ATXN1: variants seen among roughly 807,000 people sequenced by gnomAD.
ATXN1 encodes the protein ataxin-1.
Under a neutral mutation model 56.4 loss-of-function variants are expected in ATXN1, and 8 were observed. The ratio of observed to expected loss-of-function variants is 0.14; its 90% CI spans 0.08 to 0.26. The LOEUF (loss-of-function observed/expected upper bound fraction) is 0.26. Among genes scored for constraint, ATXN1 ranks in the 10% least tolerant of loss-of-function variants. The pLI, the probability that ATXN1 is intolerant of heterozygous loss-of-function variation, is 1.00. For missense variants in ATXN1, 987 were observed against 1,106.5 expected, an observed-to-expected ratio of 0.89 and a Z score of 1.53; for synonymous variants, 514 against 494.6, an observed-to-expected ratio of 1.04 and a Z score of -0.52.
intron 6 of ATXN1, among the ~76,000 whole-genome samples, chr6:16,387,409 A>T (rs1581729015): frequency 6.6e-6 from 1 of 152,180 alleles, no homozygotes; most frequent in Non-Finnish European, 1.5e-5. Context: ...ACTGTGGAAG[A>T]CCTCTCCATC....
intron 4 of ATXN1, among the ~76,000 whole-genome samples, chr6:16,581,911 TA>T (rs1762537768): frequency 6.6e-6 from 1 of 152,144 alleles, no homozygotes; most frequent in South Asian, 2.1e-4. Context: ...TTATAAAAAG[TA>T]AAAGACTCAT....
intron 6 of ATXN1, among the ~76,000 whole-genome samples, chr6:16,434,014 A>G (rs1229023901): frequency 6.6e-6 from 1 of 152,246 alleles, no homozygotes; most frequent in Non-Finnish European, 1.5e-5. Flanking sequence ...TCAGACTGAA[A>G]CAAGTAAAAC....
At chr6:16,719,741 A>C (rs1490142167) in intron 2 of ATXN1, among the ~76,000 whole-genome samples, 1 of 152,028 alleles carries the variant, frequency 6.6e-6, no homozygotes, top group Non-Finnish European at 1.5e-5. Context: ...CTTCTAAGAG[A>C]CAGGAGAGGA....
In ATXN1 at chr6:16,743,213, A is replaced by C. The variant is rs542942502; in HGVS notation, c.-615+10020T>G. Among the ~76,000 whole-genome samples, 7 of 152,352 alleles carry C rather than the reference A, an allele frequency of 4.6e-5. No homozygotes were observed. In the South Asian group the frequency reaches 1.4e-3, roughly 32 times the overall value. ...TAATAATAGTGTTTTGTGTGGTTAT[A>C]AGTGCAGTACTATAAAACTTAAATA... On this transcript the variant is annotated intron_variant, in intron 2 of 7. Coordinates refer to ENST00000436367, the MANE Select transcript of ATXN1 (RefSeq NM_001128164.2).
At chr6:16,323,525 C>CAAAAAA (rs35308265) in intron 7 of ATXN1, among the ~76,000 whole-genome samples, 7 of 48,826 alleles carry the variant, frequency 1.4e-4, no homozygotes, top group Admixed American at 3.0e-4. Flanking sequence ...ACTCTGTCTC[C>CAAAAAA]AAAAAAAAAA....
chr6:16,647,438 C>T (rs888553840), intron 3 of ATXN1, among the ~76,000 whole-genome samples: 1 of 152,164 alleles, frequency 6.6e-6, no homozygotes, highest in South Asian at 2.1e-4. Flanking sequence ...CTACACTTTT[C>T]AACACATCAT....
intron 5 of ATXN1, among the ~76,000 whole-genome samples, chr6:16,500,182 T>A (rs1760856019): frequency 6.6e-6 from 1 of 152,178 alleles, no homozygotes; most frequent in African/African-American, 2.4e-5. Context: ...TAACAAAACT[T>A]GAATTTCTTG....
In ATXN1 at chr6:16,396,013, CAAAAAAAAA is replaced by C. The variant is rs59358244; in HGVS notation, c.-160-67552_-160-67544del. Among the ~76,000 whole-genome samples, 4 of 42,238 alleles carry C rather than the reference CAAAAAAAAA, an allele frequency of 9.5e-5. No individual in the cohort carries two copies. In the Admixed American group the frequency reaches 9.8e-4, roughly 10 times the overall value. 27.7% of individuals were successfully genotyped at this position (42,238 alleles called of 152,430 possible). ...CTGGTGACAGAGCGAGACTCCGTCTCAAAAAAAAAAAAAAAAAAAAAAAAAAGCCAATTA... is the reference window on the plus strand; with the variant it reads ...CTGGTGACAGAGCGAGACTCCGTCTCAAAAAAAAAAAAAAAAAGCCAATTA... On this transcript the variant is annotated intron_variant, in intron 6 of 7. Transcript: ENST00000436367.
At position 16,302,044 on chromosome 6, in the gene ATXN1, T is replaced by G. The variant is rs1203621879; in HGVS notation, c.*4285A>C. ...ACTGTGCAAAGAGTGGATTTTATGA[T>G]TACTAGGAGCTACTGTTCATCTTGA... On this transcript the variant is annotated 3_prime_UTR_variant, in exon 8 of 8. Transcript: ENST00000436367. 2.0e-5 allele frequency: 3 copies of G among 152,652 alleles called. No individual in the cohort carries two copies. The highest frequency in any genetic ancestry group is 7.2e-5 in the African/African-American group (3 of 41,440). The allele number at this position is 152,652 out of a possible 1,614,324, so 9.5% of individuals were successfully genotyped here. A position where few individuals can be genotyped will look rare whatever the true frequency, so the allele number is the denominator to read the frequency against.
At chr6:16,747,039 G>A (rs1760558282) in intron 2 of ATXN1, among the ~76,000 whole-genome samples, 1 of 151,956 alleles carries the variant, frequency 6.6e-6, no homozygotes, top group Admixed American at 6.6e-5. Context: ...CAGTCCAACA[G>A]CACACCATAC....
In ATXN1 at chr6:16,553,732, T is replaced by G. The variant is rs374057863; in HGVS notation, c.-360-31044A>C. ...ACCGCATGGGCCCTCACCATGGCCC[T>G]CAACAGCCCATGGCCACAGCTATTG... On this transcript the variant is annotated intron_variant, in intron 4 of 7. Coordinates refer to ENST00000436367, the MANE Select transcript of ATXN1 (RefSeq NM_001128164.2). Among the ~76,000 whole-genome samples, 18 of 152,314 alleles carry G rather than the reference T, an allele frequency of 1.2e-4. 1 individual carries two copies. The highest frequency in any genetic ancestry group is 9.1e-4 in the Admixed American group (14 of 15,302).
intron 5 of ATXN1, among the ~76,000 whole-genome samples, chr6:16,486,542 G>A (rs1371534380): frequency 6.6e-6 from 1 of 152,150 alleles, no homozygotes; most frequent in Non-Finnish European, 1.5e-5. Flanking sequence ...AAGCGTTGTT[G>A]GTGGTCATAA....
chr6:16,667,968 G>T (rs1758465479), intron 2 of ATXN1, among the ~76,000 whole-genome samples: 1 of 152,178 alleles, frequency 6.6e-6, no homozygotes, highest in African/African-American at 2.4e-5. Flanking sequence ...CTCCCATCAA[G>T]GTGGGCTTAC....
In ATXN1 at chr6:16,417,441, A is replaced by ATT. The variant is rs1188606545; in HGVS notation, c.-161+68529_-161+68530dup. ...AGAGAGAGGGAGTTACAAGTTTCTT[A>ATT]TTTTTTTTTTTTCTTGAGACGGAGT... is the stretch of plus-strand genomic sequence containing the variant. On this transcript the variant is annotated intron_variant, in intron 6 of 7. Coordinates refer to ENST00000436367, the MANE Select transcript of ATXN1 (RefSeq NM_001128164.2). Among the ~76,000 whole-genome samples, 5 of 136,552 alleles carry ATT rather than the reference A, an allele frequency of 3.7e-5. 1 individual carries two copies. The highest frequency in any genetic ancestry group is 1.3e-4 in the African/African-American group (5 of 38,000). The allele number at this position is 136,552 out of a possible 152,430, so 89.6% of individuals were successfully genotyped here. A position where few individuals can be genotyped will look rare whatever the true frequency, so the allele number is the denominator to read the frequency against.
At chr6:16,340,907 G>A (rs1761230609) in intron 6 of ATXN1, among the ~76,000 whole-genome samples, 1 of 152,158 alleles carries the variant, frequency 6.6e-6, no homozygotes, top group Non-Finnish European at 1.5e-5. Flanking sequence ...AGGGCCAAAG[G>A]CTCAGAGAAA....
At chr6:16,348,327 A>G (rs1279725823) in intron 6 of ATXN1, among the ~76,000 whole-genome samples, 1 of 152,150 alleles carries the variant, frequency 6.6e-6, no homozygotes, top group Non-Finnish European at 1.5e-5. Flanking sequence ...GGCTTTCCAT[A>G]GTGTTAGAAT....
chr6:16,690,272 A>G (rs1759018270), intron 2 of ATXN1, among the ~76,000 whole-genome samples: 2 of 151,936 alleles, frequency 1.3e-5, no homozygotes, highest in African/African-American at 4.8e-5. Flanking sequence ...GAGGAGGAAG[A>G]GAGTCATGAT....
rs1017711863 is a variant in ATXN1 at position 16,302,645 on chromosome 6, T to G, written c.*3684A>C. The G allele has an allele frequency of 1.3e-5, 2 of 152,646 alleles. No individual in the cohort carries two copies. The highest frequency in any genetic ancestry group is 6.5e-5 in the Admixed American group (1 of 15,280). 9.5% of individuals were successfully genotyped at this position (152,646 alleles called of 1,614,324 possible). Reference sequence around the variant, plus strand: ...AGAAATCCCTAGAAAGAGAGGTTCTTGTTTGTTGGTTTCTTATTAATAGTA... The same window carrying G: ...AGAAATCCCTAGAAAGAGAGGTTCTGGTTTGTTGGTTTCTTATTAATAGTA... On this transcript the variant is annotated 3_prime_UTR_variant, in exon 8 of 8. Transcript: ENST00000436367.
At chr6:16,450,484 A>T (rs1289321876) in intron 6 of ATXN1, among the ~76,000 whole-genome samples, 1 of 152,208 alleles carries the variant, frequency 6.6e-6, no homozygotes, top group Non-Finnish European at 1.5e-5. Context: ...ATTCAAGGGA[A>T]GGAATGTGCT....
Sources: gnomAD v4.1 joint callset for allele counts (sites outside exome capture counted in the v4.1 genomes callset) on GRCh38, gnomAD v4.1.1 for gene constraint, MANE v1.5 for transcripts, NCBI Gene and HGNC (gene_info 2026-07-23, HGNC 2026-07-21) for gene names.